Variants in TMEM132D observed in about 807,000 individuals in gnomAD.
The protein encoded by TMEM132D is transmembrane protein 132D, also known as mature OL transmembrane protein.
A neutral mutation model predicts 62.3 loss-of-function variants in TMEM132D; 21 were observed. That is an observed-to-expected ratio of 0.34 (90% CI 0.24 to 0.49). TMEM132D has a LOEUF of 0.49. TMEM132D is among the 20% of genes least tolerant of loss of function. TMEM132D has a pLI of 0.99. For missense variants in TMEM132D, 1,346 were observed against 1,402.8 expected, an observed-to-expected ratio of 0.96 and a Z score of 0.65; for synonymous variants, 621 against 575.6, an observed-to-expected ratio of 1.08 and a Z score of -1.13.
intron 2 of TMEM132D, among the ~76,000 whole-genome samples, chr12:129,664,990 G>C (rs1466271508): frequency 1.3e-5 from 2 of 152,114 alleles, no homozygotes; most frequent in African/African-American, 4.8e-5. Flanking sequence ...ATCAGGTGTA[G>C]AGAGGACCCA....
intron 3 of TMEM132D, chr12:129,522,468 C>G (rs999756862): frequency 6.6e-6 from 1 of 152,054 alleles, no homozygotes; most frequent in African/African-American, 2.4e-5. Context: ...ATCATCCACA[C>G]ATAGCATTTG....
chr12:129,449,469 G>A (rs1250840137), intron 3 of TMEM132D, among the ~76,000 whole-genome samples: 1 of 152,176 alleles, frequency 6.6e-6, no homozygotes, highest in African/African-American at 2.4e-5. Context: ...TGCAGAGCAG[G>A]AGTTCTAGGT....
In TMEM132D at chr12:129,465,004, T is replaced by C. The variant is rs1176086459; in HGVS notation, c.1115+66055A>G. Among the ~76,000 whole-genome samples, 4 of 7,382 alleles carry C rather than the reference T, an allele frequency of 5.4e-4. No individual in the cohort carries two copies. In the Non-Finnish European group the frequency reaches 0.065, roughly 119 times the overall value. The allele number at this position is 7,382 out of a possible 152,430, so 4.8% of individuals were successfully genotyped here. A position where few individuals can be genotyped will look rare whatever the true frequency, so the allele number is the denominator to read the frequency against. On this transcript the variant is annotated intron_variant, in intron 3 of 8. Transcript: ENST00000422113. ...TTTAAAGTAGTTTTTTCCAATTCTG[T>C]GAAGAAGGCATTGGTAGCTTGATGG...
chr12:129,809,801 G>A lies in TMEM132D; in HGVS notation c.79+93460C>T, dbSNP rs190677058. On this transcript the variant is annotated intron_variant, in intron 1 of 8. Transcript: ENST00000422113. ...TATACATGATGAAAAGTAGCAATGA[G>A]AGAGGGTAAATAAACACAGATGCTC... 1.6e-4 allele frequency among the ~76,000 whole-genome samples: 24 copies of A among 152,238 alleles called. 1 individual carries two copies. The highest frequency in any genetic ancestry group is 5.8e-4 in the African/African-American group (24 of 41,532).
chr12:129,185,950 C>G (rs1008269125), intron 5 of TMEM132D, among the ~76,000 whole-genome samples: 1 of 152,106 alleles, frequency 6.6e-6, no homozygotes, highest in Non-Finnish European at 1.5e-5. Flanking sequence ...CTGACAACAC[C>G]CTGGAAAACC....
intron 2 of TMEM132D, among the ~76,000 whole-genome samples, chr12:129,547,672 A>G: frequency 6.6e-6 from 1 of 152,214 alleles, no homozygotes; most frequent in East Asian, 1.9e-4. Context: ...CCAACTAGAA[A>G]GTGTGAGATG....
chr12:129,458,602 C>T (rs1475906554), intron 3 of TMEM132D, among the ~76,000 whole-genome samples: 2 of 152,086 alleles, frequency 1.3e-5, no homozygotes, highest in African/African-American at 2.4e-5. Flanking sequence ...CTGTAAAAAC[C>T]GCTAATGAAA....
At chr12:129,268,394 C>G (rs1342218944) in intron 4 of TMEM132D, among the ~76,000 whole-genome samples, 23 of 152,130 alleles carry the variant, frequency 1.5e-4, no homozygotes, top group Admixed American at 1.5e-3. Flanking sequence ...AGACACTTCT[C>G]AAAAGAAGAC....
rs187954927 is a variant in TMEM132D, at chr12:129,829,998, T to C, written c.79+73263A>G. Among the ~76,000 whole-genome samples, 297 of 152,146 alleles carry C rather than the reference T, an allele frequency of 2.0e-3. 1 individual carries two copies. Among genetic ancestry groups the C allele is most frequent in the African/African-American group, 6.5e-3 (271 of 41,512 alleles). Reference sequence around the variant, plus strand: ...CTTACTTGTGAAAAAGAATCTAGAGTGTGATCTCACTCAGCTCCAAGCCTC... The same window carrying C: ...CTTACTTGTGAAAAAGAATCTAGAGCGTGATCTCACTCAGCTCCAAGCCTC... On this transcript the variant is annotated intron_variant, in intron 1 of 8. Transcript: ENST00000422113.
chr12:129,325,251 C>A (rs1439179528), intron 4 of TMEM132D, among the ~76,000 whole-genome samples: 1 of 152,114 alleles, frequency 6.6e-6, no homozygotes, highest in African/African-American at 2.4e-5. Context: ...GGATCAGACG[C>A]TGGACAGAAA....
At chr12:129,209,440 C>A (rs1017273553) in intron 5 of TMEM132D, 80 bp downstream of exon 5, 31 of 1,566,554 alleles carry the variant, frequency 2.0e-5, no homozygotes, top group Non-Finnish European at 2.7e-5. Flanking sequence ...CCAGAGGTCC[C>A]AGAGGTCCCA....
chr12:129,720,026 G>A (rs997492012), intron 1 of TMEM132D, among the ~76,000 whole-genome samples: 2 of 152,006 alleles, frequency 1.3e-5, no homozygotes, highest in South Asian at 2.1e-4. Context: ...TACAGTAAAC[G>A]TTCTGATAGA....
intron 3 of TMEM132D, among the ~76,000 whole-genome samples, chr12:129,409,222 C>T (rs184818430): frequency 1.2e-4 from 18 of 152,216 alleles, no homozygotes; most frequent in East Asian, 3.9e-4. Flanking sequence ...CATGAGCCAC[C>T]GCACCCGGCC....
rs2135603326 is a variant in TMEM132D at position 129,074,490 on chromosome 12, G to A, written c.2685C>T (p.Pro895=). Reference sequence around the variant, plus strand: ...TCCCATCCATTTCCCCATTGCTTCTGGGGAGGTCCACCTGGGCTGGGAAGC... The same window carrying A: ...TCCCATCCATTTCCCCATTGCTTCTAGGGAGGTCCACCTGGGCTGGGAAGC... ...LTSFPAQVDL[P]RSNGEMDGND... is the part of the protein sequence containing the mutation. The change falls in exon 9 of 9, where the codon CCC becomes CCT. Residue 895 remains proline (P), a synonymous_variant. Transcript: ENST00000422113. 4.3e-6 allele frequency: 7 copies of A among 1,614,096 alleles called. No homozygotes were observed. The highest frequency in any genetic ancestry group is 2.2e-5 in the South Asian group (2 of 91,076).
At chr12:129,695,378 G>A (rs1003367749) in intron 2 of TMEM132D, among the ~76,000 whole-genome samples, 5 of 152,156 alleles carry the variant, frequency 3.3e-5, no homozygotes, top group African/African-American at 1.2e-4. Flanking sequence ...GGGACATATG[G>A]GAACACTGCA....
intron 3 of TMEM132D, among the ~76,000 whole-genome samples, chr12:129,452,295 A>G (rs953948690): frequency 4.6e-5 from 7 of 152,260 alleles, no homozygotes; most frequent in African/African-American, 1.4e-4. Context: ...TGTGAGGACC[A>G]CTATGAACGT....
intron 2 of TMEM132D, among the ~76,000 whole-genome samples, chr12:129,608,521 GGCTTGCTCGCTGGATGGAAAT>G (rs1878687247): frequency 6.6e-6 from 1 of 152,146 alleles, no homozygotes. Context: ...ATGAGAGACT[GGCTTGCTCGCTGGATGGAAAT>G]GCAGTCAATT....
intron 4 of TMEM132D, among the ~76,000 whole-genome samples, chr12:129,300,134 G>A (rs1223860206): frequency 1.3e-5 from 2 of 152,098 alleles, no homozygotes; most frequent in Non-Finnish European, 2.9e-5. Context: ...AATGTACTGG[G>A]GAACCAAGTC....
chr12:129,100,244 G>A (rs2135634978), intron 5 of TMEM132D, among the ~76,000 whole-genome samples: 1 of 152,266 alleles, frequency 6.6e-6, no homozygotes, highest in African/African-American at 2.4e-5. Context: ...GTTTCACCAT[G>A]TTAGCCAGGC....
Sources: allele counts gnomAD v4.1 joint callset (sites outside exome capture counted in the v4.1 genomes callset), GRCh38; gene constraint gnomAD v4.1.1; transcripts MANE v1.5; gene names NCBI Gene and HGNC (gene_info 2026-07-23, HGNC 2026-07-21).